WNT2B: variants seen among roughly 807,000 people sequenced by gnomAD.
The protein encoded by WNT2B is Wnt family member 2B.
In WNT2B, 19 loss-of-function variants were observed where a neutral mutation model predicts 40.5. The ratio of observed to expected loss-of-function variants is 0.47; its 90% CI spans 0.33 to 0.69. The LOEUF is 0.69. WNT2B is among the 30% of genes least tolerant of loss of function. The probability of loss-of-function intolerance (pLI) is 0.02; values close to 1 mark genes in which losing one functional copy is unlikely to be tolerated. For synonymous variants in WNT2B, 220 were observed against 211.9 expected (o/e 1.04, Z -0.33); for missense variants, 467 against 556.4 (o/e 0.84, Z 1.62).
At position 112,529,803 on chromosome 1, in the gene WNT2B, T is replaced by C. The variant is rs1339617759; in HGVS notation, c.*9294T>C. 1 of 151,318 alleles carries C rather than the reference T, an allele frequency of 6.6e-6. No individual in the cohort carries two copies. Among genetic ancestry groups the C allele is most frequent in the East Asian group, 1.9e-4 (1 of 5,182 alleles). 9.4% of individuals were successfully genotyped at this position (151,318 alleles called of 1,614,324 possible). On this transcript the variant is annotated 3_prime_UTR_variant, in exon 5 of 5. Transcript: ENST00000369684. ...CTATGCTCATTATTTTCAACCAAGTTCTATGGAGGTGGTACCTTCACAGGA... is the reference window on the plus strand; with the variant it reads ...CTATGCTCATTATTTTCAACCAAGTCCTATGGAGGTGGTACCTTCACAGGA...
At chr1:112,492,527 G>C (rs919663341) in intron 1 of WNT2B, among the ~76,000 whole-genome samples, 1 of 152,192 alleles carries the variant, frequency 6.6e-6, no homozygotes, top group African/African-American at 2.4e-5. Flanking sequence ...GAGCTCACCA[G>C]GTTCTCACAG....
chr1:112,502,466 C>T (rs528323796), intron 1 of WNT2B, among the ~76,000 whole-genome samples: 67 of 152,320 alleles, frequency 4.4e-4, no homozygotes, highest in African/African-American at 1.6e-3. Context: ...CTAATTGCCT[C>T]GAAAATAAGG....
chr1:112,511,215 G>A (rs1263233256), intron 1 of WNT2B, among the ~76,000 whole-genome samples: 1 of 149,686 alleles, frequency 6.7e-6, no homozygotes, highest in African/African-American at 2.4e-5. Context: ...TAAAGATTCT[G>A]GAAAAATTCC....
intron 1 of WNT2B, among the ~76,000 whole-genome samples, chr1:112,468,289 T>C (rs1234036716): frequency 1.3e-5 from 2 of 152,242 alleles, no homozygotes; most frequent in African/African-American, 2.4e-5. Flanking sequence ...CCCTTTGATA[T>C]ACTATTTATT....
At position 112,529,754 on chromosome 1, in the gene WNT2B, A is replaced by G. The variant is rs1654066002; in HGVS notation, c.*9245A>G. On this transcript the variant is annotated 3_prime_UTR_variant, in exon 5 of 5. Transcript: ENST00000369684. Reference sequence around the variant, plus strand: ...ATGCCATCCAAAAGATAAAAGTTAAAAAAAAAAAAAAAAAAAAAGGTAACT... The same window carrying G: ...ATGCCATCCAAAAGATAAAAGTTAAGAAAAAAAAAAAAAAAAAAGGTAACT... 1 of 150,206 alleles carries G rather than the reference A, an allele frequency of 6.7e-6. No individual in the cohort carries two copies. The highest frequency in any genetic ancestry group is 1.5e-5 in the Non-Finnish European group (1 of 67,346). 9.3% of individuals were successfully genotyped at this position (150,206 alleles called of 1,614,324 possible).
At chr1:112,498,964 T>C (rs1174104518) in intron 1 of WNT2B, among the ~76,000 whole-genome samples, 1 of 152,122 alleles carries the variant, frequency 6.6e-6, no homozygotes, top group East Asian at 1.9e-4. Context: ...TTCCAGCACT[T>C]TGGGAGGCCG....
At chr1:112,499,568 A>T (rs1651884069) in intron 1 of WNT2B, among the ~76,000 whole-genome samples, 2 of 152,244 alleles carry the variant, frequency 1.3e-5, no homozygotes, top group Admixed American at 1.3e-4. Context: ...CAATAAATGC[A>T]GAAAAAGCAT....
At chr1:112,518,780 C>T (rs1305889660) in intron 4 of WNT2B, among the ~76,000 whole-genome samples, 1 of 152,066 alleles carries the variant, frequency 6.6e-6, no homozygotes, top group East Asian at 1.9e-4. Flanking sequence ...CCAAAGTGGG[C>T]CCTGGAATTC....
chr1:112,522,842 A>C lies in WNT2B; in HGVS notation c.*2333A>C, dbSNP rs569634351. On this transcript the variant is annotated 3_prime_UTR_variant, in exon 5 of 5. Transcript: ENST00000369684. ...GGCCAAGAGAATGTCTTCCTTCAGAATGGAGTCAACTGGATAACTGATGAG... is the reference window on the plus strand; with the variant it reads ...GGCCAAGAGAATGTCTTCCTTCAGACTGGAGTCAACTGGATAACTGATGAG... 6.6e-6 allele frequency: 1 copy of C among 152,350 alleles called. No homozygotes were observed. The highest frequency in any genetic ancestry group is 1.9e-4 in the East Asian group (1 of 5,184). The allele number at this position is 152,350 out of a possible 1,614,324, so 9.4% of individuals were successfully genotyped here.
chr1:112,520,566 G>A lies in WNT2B; in HGVS notation c.*57G>A, dbSNP rs1652818624. ...CAAGCCTCTCAACTCAAAAGCACAA[G>A]ATCCTTGCATGCACACCTTCCTCCA... On this transcript the variant is annotated 3_prime_UTR_variant, in exon 5 of 5. Coordinates refer to ENST00000369684, the MANE Select transcript of WNT2B (RefSeq NM_024494.3). The A allele has an allele frequency of 1.3e-6, 2 of 1,563,138 alleles. No individual in the cohort carries two copies. Among genetic ancestry groups the A allele is most frequent in the Non-Finnish European group, 8.7e-7 (1 of 1,143,774 alleles).
At chr1:112,513,388 G>T (rs560815803) in intron 1 of WNT2B, among the ~76,000 whole-genome samples, 78 of 152,242 alleles carry the variant, frequency 5.1e-4, no homozygotes, top group Non-Finnish European at 8.8e-4. Context: ...ATTTGTTAGG[G>T]GAGGGCCAGC....
intron 1 of WNT2B, among the ~76,000 whole-genome samples, chr1:112,485,465 A>G (rs1448857170): frequency 6.6e-6 from 1 of 152,094 alleles, no homozygotes; most frequent in South Asian, 2.1e-4. Flanking sequence ...TGTCTCAAAA[A>G]AAAAAAAAAA....
At chr1:112,470,282 A>T (rs567450144) in intron 1 of WNT2B, among the ~76,000 whole-genome samples, 1 of 152,098 alleles carries the variant, frequency 6.6e-6, no homozygotes. Flanking sequence ...TTCCTTCAGC[A>T]CTTTAAATAT....
chr1:112,483,397 T>C (rs933883207), intron 1 of WNT2B, among the ~76,000 whole-genome samples: 8 of 152,162 alleles, frequency 5.3e-5, no homozygotes, highest in Admixed American at 2.0e-4. Context: ...ATCTCCTTGA[T>C]AGTGTTGGAA....
rs1365603310 is a variant in WNT2B at position 112,525,256 on chromosome 1, A to G, written c.*4747A>G. Reference sequence around the variant, plus strand: ...AACTGGAGAGCTTTGGATTCCAGGGATGATCTCCATAAGAGAGAAGCACTG... The same window carrying G: ...AACTGGAGAGCTTTGGATTCCAGGGGTGATCTCCATAAGAGAGAAGCACTG... On this transcript the variant is annotated 3_prime_UTR_variant, in exon 5 of 5. Transcript: ENST00000369684. 1 of 152,202 alleles carries G rather than the reference A, an allele frequency of 6.6e-6. No individual in the cohort carries two copies. The highest frequency in any genetic ancestry group is 2.4e-5 in the African/African-American group (1 of 41,430). 9.4% of individuals were successfully genotyped at this position (152,202 alleles called of 1,614,324 possible). A position where few individuals can be genotyped will look rare whatever the true frequency, so the allele number is the denominator to read the frequency against.
rs764498884 is a variant in WNT2B, at chr1:112,516,254, G to A, written c.518G>A (p.Arg173His). 71 of 1,613,996 alleles carry A rather than the reference G, an allele frequency of 4.4e-5. No homozygotes were observed. Among genetic ancestry groups the A allele is most frequent in the East Asian group, 1.6e-4 (7 of 44,874 alleles). ...LSVCSCDPYT[R>H]GRHHDQRGDF... is the part of the protein sequence containing the mutation. ...GTGTGCAGCTGTGACCCCTACACCC[G>A]TGGCCGACACCATGACCAGCGTGGG... The change falls in exon 3 of 5, where the codon CGT becomes CAT. Residue 173 changes from arginine (R) to histidine (H), a missense_variant. Around this residue, in one of 2 missense-constraint regions of WNT2B, gnomAD observed 330 missense variants for 438.6 expected, o/e 0.75. Transcript: ENST00000369684.
At chr1:112,493,442 A>G (rs1651666021) in intron 1 of WNT2B, among the ~76,000 whole-genome samples, 1 of 152,012 alleles carries the variant, frequency 6.6e-6, no homozygotes, top group Admixed American at 6.6e-5. Flanking sequence ...ACATAGTGAG[A>G]CCCTGCCTTT....
At position 112,515,004 on chromosome 1, in the gene WNT2B, C is replaced by T. The variant is rs879255420; in HGVS notation, c.313C>T (p.Arg105Ter). 6 of 1,614,186 alleles carry T rather than the reference C, an allele frequency of 3.7e-6. No homozygotes were observed. The highest frequency in any genetic ancestry group is 4.5e-5 in the East Asian group (2 of 44,882). Reference protein sequence around the residue: ...SVGEGAREWIRECQHQFRHHR... With the variant: ...SVGEGAREWI ...GGGCGAGGGTGCCCGAGAATGGATC[C>T]GAGAGTGTCAGCACCAATTCCGCCA... Residue 105 changes from arginine (R) to a stop codon, truncating the protein, a stop_gained, in exon 2 of 5, where the codon CGA becomes TGA. Coordinates refer to ENST00000369684, the MANE Select transcript of WNT2B (RefSeq NM_024494.3). LOFTEE classifies it high-confidence loss of function. The surrounding 1 kb of genome is among the most constrained non-coding windows in gnomAD (Gnocchi z 4.4).
chr1:112,520,628 A>T lies in WNT2B; in HGVS notation c.*119A>T. On this transcript the variant is annotated 3_prime_UTR_variant, in exon 5 of 5. Transcript: ENST00000369684. ...GGGCTGCTACCGCTTCTATTTAAGG[A>T]TGTAGAGAGTAATCCATAGGGACCA... is the stretch of plus-strand genomic sequence containing the variant. The T allele has an allele frequency of 3.8e-6, 4 of 1,053,180 alleles. No homozygotes were observed. Among genetic ancestry groups the T allele is most frequent in the Non-Finnish European group, 5.6e-6 (4 of 713,684 alleles). 65.2% of individuals were successfully genotyped at this position (1,053,180 alleles called of 1,614,324 possible). A position where few individuals can be genotyped will look rare whatever the true frequency, so the allele number is the denominator to read the frequency against.
Sources: gnomAD v4.1 joint callset for allele counts (sites outside exome capture counted in the v4.1 genomes callset) on GRCh38, gnomAD v4.1.1 for gene constraint, gnomAD v4.1.1 regional missense constraint, Gnocchi (gnomAD v3.1) non-coding constraint, MANE v1.5 for transcripts, NCBI Gene and HGNC (gene_info 2026-07-23, HGNC 2026-07-21) for gene names.